The following LAMA1 variants were observed in gnomAD, a reference collection of about 807,000 sequenced individuals.
LAMA1 encodes laminin subunit alpha-1.
LAMA1 carries 219 observed loss-of-function variants against 348.7 expected under a neutral mutation model. The observed-to-expected ratio is 0.63, with a 90% CI of 0.56 to 0.70. The LOEUF (loss-of-function observed/expected upper bound fraction) is 0.70. Among genes scored for constraint, LAMA1 ranks in the 30% least tolerant of loss-of-function variants. LAMA1 has a pLI of 0.00. For missense variants in LAMA1, 3,744 were observed against 3,888.0 expected, an observed-to-expected ratio of 0.96 and a Z score of 0.99; for synonymous variants, 1,487 against 1,491.0, an observed-to-expected ratio of 1.00 and a Z score of 0.06.
At chr18:7,077,718 A>G (rs1418051387) in intron 3 of LAMA1, among the ~76,000 whole-genome samples, 1 of 152,166 alleles carries the variant, frequency 6.6e-6, no homozygotes, top group African/African-American at 2.4e-5. Flanking sequence ...TTAATAATGA[A>G]CACAGTTTTA....
chr18:6,955,313 G>T, intron 57 of LAMA1, 40 bp downstream of exon 57: 1 of 1,466,552 alleles, frequency 6.8e-7, no homozygotes, highest in Non-Finnish European at 9.5e-7. Context: ...CATACATCTA[G>T]CAATGAGACG....
intron 55 of LAMA1, among the ~76,000 whole-genome samples, chr18:6,958,115 C>T (rs890833985): frequency 6.6e-6 from 1 of 152,128 alleles, no homozygotes; most frequent in Non-Finnish European, 1.5e-5. Context: ...CTAGTAGCCC[C>T]ATAGTAAACA....
At chr18:6,986,061 G>T (rs1042264612) in intron 37 of LAMA1, 76 bp downstream of exon 37, 16 of 1,534,322 alleles carry the variant, frequency 1.0e-5, no homozygotes, top group Admixed American at 1.7e-5. Context: ...CCAGGCCAGG[G>T]CTCACTTTTA....
chr18:7,026,190 GAA>G, intron 16 of LAMA1, 84 bp from the exon 17 acceptor site: 5 of 1,354,510 alleles, frequency 3.7e-6, no homozygotes, highest in Non-Finnish European at 4.0e-6. Context: ...AGTCCAAGCG[GAA>G]AAAAAAAAGA....
chr18:6,943,208 G>A lies in LAMA1; in HGVS notation c.9039C>T (p.Asn3013=). 6.2e-7 allele frequency: 1 copy of A among 1,614,204 alleles called. No homozygotes were observed. Among genetic ancestry groups the A allele is most frequent in the Non-Finnish European group, 8.5e-7 (1 of 1,180,026 alleles). ...GATAGCCACCAACATAAATGGGATT[G>A]TTGGTGTCCACTGAGGTAGACTGGG... The part of the protein sequence containing the change: ...PHTQSTSVDT[N]NPIYVGGYPA... Residue 3013 remains asparagine, a synonymous_variant, in exon 62 of 63, where the codon AAC becomes AAT. Transcript: ENST00000389658.
rs151169021 is a variant in LAMA1, at chr18:7,110,239, G to C, written c.61+7421C>G. On this transcript the variant is annotated intron_variant, in intron 1 of 62. Transcript: ENST00000389658. The stretch of plus-strand genomic sequence containing the variant: ...TTACACTATAGCAGCTGGTTTAGAG[G>C]CTGGTGGCATTTGCAGTGCTAACAG... Among the ~76,000 whole-genome samples, 863 of 151,680 alleles carry C rather than the reference G, an allele frequency of 5.7e-3. 7 individuals carry two copies. Among genetic ancestry groups the C allele is most frequent in the Middle Eastern group, 0.014 (4 of 290 alleles).
At chr18:7,085,713 T>G (rs767012236) in intron 1 of LAMA1, among the ~76,000 whole-genome samples, 1 of 152,164 alleles carries the variant, frequency 6.6e-6, no homozygotes, top group Non-Finnish European at 1.5e-5. Flanking sequence ...CCACCGCTCC[T>G]GGCCTATTTT....
chr18:7,002,448 T>C, intron 29 of LAMA1, 63 bp from the exon 30 acceptor site: 1 of 1,566,752 alleles, frequency 6.4e-7, no homozygotes, highest in Non-Finnish European at 8.7e-7. Context: ...CATTCTTATC[T>C]GGTAATAGCT....
intron 33 of LAMA1, among the ~76,000 whole-genome samples, chr18:6,997,016 T>A (rs1004541098): frequency 1.3e-5 from 2 of 152,138 alleles, no homozygotes; most frequent in African/African-American, 4.8e-5. Context: ...TAATATACCT[T>A]AAAGAAGATA....
intron 36 of LAMA1, among the ~76,000 whole-genome samples, chr18:6,987,327 A>C (rs1429194895): frequency 6.6e-6 from 1 of 152,240 alleles, no homozygotes; most frequent in Non-Finnish European, 1.5e-5. Flanking sequence ...AAAGAAAGCT[A>C]TTCAGTGATT....
At chr18:6,965,915 T>G (rs2144017819) in intron 49 of LAMA1, 3 of 541,872 alleles carry the variant, frequency 5.5e-6, no homozygotes, top group South Asian at 4.6e-5. Context: ...AAGGCTAGTT[T>G]CTACTTGGTG....
In LAMA1 at chr18:6,966,291, C is replaced by T. The variant is rs1358687424; in HGVS notation, c.6906G>A (p.Gln2302=). ...CAAAATGGAAGGAAGGGTCTTCATT[C>T]TGGGAGCTGCAAAGCAGAAGAGATG... ...GKCRGCFGSS[Q]NEDPSFHFDG... is the part of the protein sequence containing the mutation. The change falls in exon 49 of 63, where the codon CAG becomes CAA. Residue 2302 remains glutamine (Q), a synonymous_variant. Coordinates refer to ENST00000389658, the MANE Select transcript of LAMA1 (RefSeq NM_005559.4). The T allele has an allele frequency of 1.2e-6, 2 of 1,613,360 alleles. No individual in the cohort carries two copies. Among genetic ancestry groups the T allele is most frequent in the East Asian group, 2.2e-5 (1 of 44,890 alleles).
intron 5 of LAMA1, among the ~76,000 whole-genome samples, chr18:7,048,506 C>A (rs1405314257): frequency 6.6e-6 from 1 of 152,172 alleles, no homozygotes; most frequent in Non-Finnish European, 1.5e-5. Context: ...CCCATTTCAG[C>A]CTCCCAAAGT....
chr18:6,983,347 C>G, intron 39 of LAMA1, 113 bp from the exon 40 acceptor site: 1 of 1,058,028 alleles, frequency 9.5e-7, no homozygotes, highest in Non-Finnish European at 1.4e-6. Flanking sequence ...CTTCTTTCCC[C>G]TTAGAAGAGT....
chr18:7,115,126 A>G (rs1442956010), intron 1 of LAMA1, among the ~76,000 whole-genome samples: 1 of 152,200 alleles, frequency 6.6e-6, no homozygotes, highest in African/African-American at 2.4e-5. Context: ...ATGGGCCCTT[A>G]GAGAATACAG....
At chr18:7,033,170 A>G (rs1266467212) in intron 14 of LAMA1, 75 bp from the exon 15 acceptor site, 3 of 1,110,744 alleles carry the variant, frequency 2.7e-6, no homozygotes, top group African/African-American at 2.1e-5. Context: ...ATGGGCTCCT[A>G]AAAGATTTAA....
At chr18:7,114,144 C>T (rs1305667972) in intron 1 of LAMA1, among the ~76,000 whole-genome samples, 5 of 150,758 alleles carry the variant, frequency 3.3e-5, no homozygotes, top group Non-Finnish European at 7.4e-5. Flanking sequence ...ATCAATAAGT[C>T]TCAATGACCA....
In LAMA1 at chr18:6,965,299, T is replaced by C. The variant is rs1380688607; in HGVS notation, c.7184A>G (p.Asn2395Ser). ...ATCTGTGTCCCTACCTTGCTTCCGGTTTCGCTGGAAGGCAATTTTGTACCA... is the reference window on the plus strand; with the variant it reads ...ATCTGTGTCCCTACCTTGCTTCCGGCTTCGCTGGAAGGCAATTTTGTACCA... The part of the protein sequence containing the change: ...GTWYKIAFQR[N>S]RKQGVLAVID... The change falls in exon 50 of 63, where the codon AAC becomes AGC. Residue 2395 changes from asparagine (N) to serine (S), a missense_variant. This residue lies in a region of LAMA1 where 1,983 missense variants were observed against 1,934.3 expected (regional missense o/e 1.03). Transcript: ENST00000389658. 8 of 1,614,224 alleles carry C rather than the reference T, an allele frequency of 5.0e-6. No homozygotes were observed. The highest frequency in any genetic ancestry group is 6.8e-6 in the Non-Finnish European group (8 of 1,180,032).
At chr18:6,988,636 C>T (rs546945031) in intron 36 of LAMA1, among the ~76,000 whole-genome samples, 1 of 151,982 alleles carries the variant, frequency 6.6e-6, no homozygotes, top group Admixed American at 6.6e-5. Flanking sequence ...CCTGTCTCTA[C>T]AAAAATACAA....
Sources: allele counts gnomAD v4.1 joint callset (sites outside exome capture counted in the v4.1 genomes callset), GRCh38; gene constraint gnomAD v4.1.1; regional missense constraint gnomAD v4.1.1; transcripts MANE v1.5; gene names NCBI Gene and HGNC (gene_info 2026-07-23, HGNC 2026-07-21).